The following TXNDC8 variants were observed in gnomAD, a reference collection of about 807,000 sequenced individuals.
The protein encoded by TXNDC8 is thioredoxin domain-containing protein 8.
TXNDC8 carries 15 observed loss-of-function variants against 12.9 expected under a neutral mutation model. The ratio of observed to expected loss-of-function variants is 1.16; its 90% CI spans 0.78 to 1.79. The LOEUF (loss-of-function observed/expected upper bound fraction) is 1.79. Among genes scored for constraint, TXNDC8 ranks in the 40% most tolerant of loss-of-function variants. The probability of loss-of-function intolerance (pLI) is 0.00; values close to 1 mark genes in which losing one functional copy is unlikely to be tolerated. For missense variants in TXNDC8, 128 were observed against 113.2 expected (o/e 1.13, Z -0.59); for synonymous variants, 40 against 35.4 (o/e 1.13, Z -0.46).
intron 2 of TXNDC8, among the ~76,000 whole-genome samples, chr9:110,332,854 A>G (rs1839597653): frequency 6.6e-6 from 1 of 152,202 alleles, no homozygotes; most frequent in African/African-American, 2.4e-5. Context: ...TATGATTACA[A>G]CTCACTAGAA....
chr9:110,328,149 G>A (rs1158272727), intron 2 of TXNDC8, among the ~76,000 whole-genome samples: 1 of 152,104 alleles, frequency 6.6e-6, no homozygotes, highest in African/African-American at 2.4e-5. Context: ...AACTATAATG[G>A]GTCATAAAAT....
intron 3 of TXNDC8, among the ~76,000 whole-genome samples, chr9:110,307,033 C>T (rs935239255): frequency 6.6e-6 from 1 of 151,886 alleles, no homozygotes; most frequent in Non-Finnish European, 1.5e-5. Context: ...TCTTGAACCC[C>T]AGGGCTCAAG....
At position 110,334,339 on chromosome 9, in the gene TXNDC8, T is replaced by C. The variant is rs1327167029; in HGVS notation, c.25-19A>G. 1 of 1,561,140 alleles carries C rather than the reference T, an allele frequency of 6.4e-7. No individual in the cohort carries two copies. Among genetic ancestry groups the C allele is most frequent in the South Asian group, 1.1e-5 (1 of 89,710 alleles). ...ATTCATTCTGAAAACAGAAAATAAATGAGGAAATGTGCATAATCACTGAAT... is the reference window on the plus strand; with the variant it reads ...ATTCATTCTGAAAACAGAAAATAAACGAGGAAATGTGCATAATCACTGAAT... On this transcript the variant is annotated intron_variant, in intron 1 of 4. Transcript: ENST00000423740.
chr9:110,319,705 C>G (rs965655021), intron 3 of TXNDC8, among the ~76,000 whole-genome samples: 1 of 152,168 alleles, frequency 6.6e-6, no homozygotes, highest in Non-Finnish European at 1.5e-5. Context: ...TCTCCAGGCA[C>G]CAACATCTTC....
At chr9:110,332,234 TA>T (rs1382495814) in intron 2 of TXNDC8, among the ~76,000 whole-genome samples, 1 of 152,184 alleles carries the variant, frequency 6.6e-6, no homozygotes, top group Non-Finnish European at 1.5e-5. Context: ...TTTTTATTTT[TA>T]AATACAGACA....
intron 3 of TXNDC8, among the ~76,000 whole-genome samples, chr9:110,312,628 T>C (rs928088572): frequency 6.6e-6 from 1 of 152,192 alleles, no homozygotes; most frequent in African/African-American, 2.4e-5. Flanking sequence ...AGATTCTTTC[T>C]ATGGAACGAA....
At chr9:110,310,040 C>A (rs1451427562) in intron 3 of TXNDC8, among the ~76,000 whole-genome samples, 1 of 152,064 alleles carries the variant, frequency 6.6e-6, no homozygotes, top group Non-Finnish European at 1.5e-5. Flanking sequence ...AGACTGACTC[C>A]CCTTTCAAGC....
rs141383581 is a variant in TXNDC8, at chr9:110,303,682, C to G, written c.288G>C (p.Ter96TyrextTer23). 1,204 of 1,600,584 alleles carry G rather than the reference C, an allele frequency of 7.5e-4. 1 individual carries two copies. Among genetic ancestry groups the G allele is most frequent in the Middle Eastern group, 2.1e-3 (11 of 5,204 alleles). ...TTATTCCTGATTGAAAAGTTAAATCCTACTCATTTCCATCATCTGCAAGAC... is the reference window on the plus strand; with the variant it reads ...TTATTCCTGATTGAAAAGTTAAATCGTACTCATTTCCATCATCTGCAAGAC... The change falls in exon 5 of 5, where the codon TAG becomes TAC. Residue 96 changes from the stop codon to tyrosine (Y), a stop_lost. Coordinates refer to ENST00000423740, the MANE Select transcript of TXNDC8 (RefSeq NM_001286946.2).
At chr9:110,326,354 C>T in intron 2 of TXNDC8, 114 bp from the exon 4 acceptor site, 1 of 939,690 alleles carries the variant, frequency 1.1e-6, no homozygotes, top group South Asian at 1.4e-5. Flanking sequence ...GGACACCTGA[C>T]ACTTTACAGA....
chr9:110,328,138 G>A (rs1190928210), intron 2 of TXNDC8, among the ~76,000 whole-genome samples: 5 of 152,190 alleles, frequency 3.3e-5, no homozygotes, highest in African/African-American at 1.2e-4. Context: ...TATGGAGGTT[G>A]AACTATAATG....
At chr9:110,323,018 T>G in intron 3 of TXNDC8, 2 of 985,294 alleles carry the variant, frequency 2.0e-6, no homozygotes, top group Non-Finnish European at 2.4e-6. Flanking sequence ...TGGAGAAACT[T>G]GAATGCCAGC....
intron 3 of TXNDC8, among the ~76,000 whole-genome samples, chr9:110,314,677 C>A (rs967124857): frequency 1.3e-5 from 2 of 152,118 alleles, no homozygotes; most frequent in Admixed American, 6.5e-5. Context: ...CGTGATCCGC[C>A]CACCTCGGCC....
chr9:110,327,645 T>C (rs1433124775), intron 2 of TXNDC8, among the ~76,000 whole-genome samples: 1 of 152,170 alleles, frequency 6.6e-6, no homozygotes, highest in East Asian at 1.9e-4. Context: ...CATTCTATAA[T>C]ATGAATGCAC....
intron 3 of TXNDC8, chr9:110,323,980 G>T (rs1254082147): frequency 6.4e-7 from 1 of 1,550,714 alleles, no homozygotes. Flanking sequence ...TCACTGGTTG[G>T]TGTAGGCCTG....
intron 3 of TXNDC8, chr9:110,323,641 G>A (rs1222292687): frequency 5.3e-6 from 2 of 375,388 alleles, no homozygotes; most frequent in Non-Finnish European, 8.7e-6. Flanking sequence ...TGGGTTGCAA[G>A]TGACAGAGAA....
intron 3 of TXNDC8, chr9:110,323,059 T>C (rs1349372095): frequency 1.0e-6 from 1 of 985,264 alleles, no homozygotes; most frequent in Non-Finnish European, 1.2e-6. Context: ...CTTGATTCTA[T>C]AGGCAATGGA....
At chr9:110,336,650 A>AACAAT (rs1404388277) in intron 1 of TXNDC8, among the ~76,000 whole-genome samples, 10 of 152,328 alleles carry the variant, frequency 6.6e-5, no homozygotes, top group Admixed American at 3.9e-4. Flanking sequence ...AACAAAACAA[A>AACAAT]ACAAAAACTA....
chr9:110,306,534 C>G (rs192692924), intron 3 of TXNDC8, among the ~76,000 whole-genome samples: 2 of 152,170 alleles, frequency 1.3e-5, no homozygotes, highest in Non-Finnish European at 2.9e-5. Flanking sequence ...CTGTCTCCCT[C>G]CCTGTTGCTC....
At chr9:110,305,571 TTTC>T (rs1838412203) in intron 3 of TXNDC8, among the ~76,000 whole-genome samples, 2 of 138,570 alleles carry the variant, frequency 1.4e-5, no homozygotes, top group African/African-American at 3.1e-5. Context: ...TCTTTCTTTC[TTTC>T]TTTCTTTCTT....
Sources: gnomAD v4.1 joint callset for allele counts (sites outside exome capture counted in the v4.1 genomes callset) on GRCh38, gnomAD v4.1.1 for gene constraint, MANE v1.5 for transcripts, NCBI Gene and HGNC (gene_info 2026-07-23, HGNC 2026-07-21) for gene names.